DLGAP1: variants seen among roughly 807,000 people sequenced by gnomAD.
DLGAP1 encodes the protein disks large-associated protein 1.
DLGAP1 carries 11 observed loss-of-function variants against 90.8 expected under a neutral mutation model. The ratio of observed to expected loss-of-function variants is 0.12; its 90% CI spans 0.08 to 0.20. The LOEUF (loss-of-function observed/expected upper bound fraction) is 0.20, where lower values mean the gene tolerates loss of function less well. Among genes scored for constraint, DLGAP1 ranks in the 10% least tolerant of loss-of-function variants. DLGAP1 has a pLI of 1.00. For missense variants in DLGAP1, 1,050 were observed against 1,333.8 expected (o/e 0.79, Z 3.31); for synonymous variants, 558 against 540.7 (o/e 1.03, Z -0.44).
rs182514610 is a variant in DLGAP1, at chr18:4,339,435, A to G, written c.-267+115571T>C. ...CAAACCACCATGCACATGTTTTCCT[A>G]TGCAACAAACCTGCACATCCTGCAC... On this transcript the variant is annotated intron_variant, in intron 1 of 12. Coordinates refer to ENST00000315677, the MANE Select transcript of DLGAP1 (RefSeq NM_004746.4). 4.2e-4 allele frequency among the ~76,000 whole-genome samples: 64 copies of G among 152,310 alleles called. 1 individual carries two copies. The highest frequency in any genetic ancestry group is 1.4e-3 in the African/African-American group (60 of 41,564).
chr18:3,721,324 C>T (rs930408292), intron 7 of DLGAP1, among the ~76,000 whole-genome samples: 19 of 152,182 alleles, frequency 1.2e-4, no homozygotes, highest in Admixed American at 6.6e-4. Context: ...GCTTAATTTA[C>T]GCATGAGTTG....
chr18:3,612,306 A>G (rs2057673171), intron 7 of DLGAP1, among the ~76,000 whole-genome samples: 1 of 152,250 alleles, frequency 6.6e-6, no homozygotes, highest in African/African-American at 2.4e-5. Context: ...AATGAGGATA[A>G]GAATGAAAAA....
intron 1 of DLGAP1, among the ~76,000 whole-genome samples, chr18:4,168,116 C>T (rs933624339): frequency 6.6e-5 from 10 of 152,120 alleles, no homozygotes; most frequent in African/African-American, 1.9e-4. Context: ...AATAAACAGG[C>T]GCTGGAATAG....
intron 7 of DLGAP1, among the ~76,000 whole-genome samples, chr18:3,688,659 ACACACAC>A (rs1567965734): frequency 0.13 from 12,213 of 94,740 alleles, 823 homozygotes; most frequent in African/African-American, 0.24. Flanking sequence ...ACACACACAC[ACACACAC>A]ACCCTACCAA....
intron 4 of DLGAP1, among the ~76,000 whole-genome samples, chr18:3,823,718 G>A (rs2067548297): frequency 6.6e-6 from 1 of 152,060 alleles, no homozygotes; most frequent in African/African-American, 2.4e-5. Flanking sequence ...GGGAGGCCGA[G>A]GCGGGCAGAT....
chr18:4,113,562 G>C (rs958209591), intron 2 of DLGAP1, among the ~76,000 whole-genome samples: 10 of 152,030 alleles, frequency 6.6e-5, no homozygotes, highest in Admixed American at 2.0e-4. Flanking sequence ...CTCCCATTCT[G>C]TAGGTTATCT....
chr18:3,784,257 T>C (rs978451637), intron 5 of DLGAP1, among the ~76,000 whole-genome samples: 1 of 152,164 alleles, frequency 6.6e-6, no homozygotes, highest in African/African-American at 2.4e-5. Flanking sequence ...AGTTGGCCTG[T>C]TTAGGCGCAC....
intron 9 of DLGAP1, among the ~76,000 whole-genome samples, chr18:3,564,248 C>T (rs182737022): frequency 6.6e-6 from 1 of 152,322 alleles, no homozygotes; most frequent in East Asian, 1.9e-4. Context: ...TGATTAGTCT[C>T]AGCCTTTTGG....
At chr18:4,116,360 C>T (rs908996433) in intron 2 of DLGAP1, among the ~76,000 whole-genome samples, 1 of 152,116 alleles carries the variant, frequency 6.6e-6, no homozygotes, top group Non-Finnish European at 1.5e-5. Flanking sequence ...GTTTATTGAG[C>T]TTCTTGACTC....
chr18:3,850,645 T>C (rs555371652), intron 4 of DLGAP1, among the ~76,000 whole-genome samples: 15 of 152,246 alleles, frequency 9.9e-5, no homozygotes, highest in East Asian at 3.9e-4. Context: ...GACAAGACTT[T>C]TGAAGCTTTA....
chr18:4,350,511 G>T (rs2081383944), intron 1 of DLGAP1, among the ~76,000 whole-genome samples: 2 of 151,940 alleles, frequency 1.3e-5, no homozygotes, highest in Admixed American at 1.3e-4. Flanking sequence ...TTCATCTGTA[G>T]TAACTCCAAA....
chr18:4,126,188 A>T (rs1325313235), intron 2 of DLGAP1, among the ~76,000 whole-genome samples: 1 of 152,226 alleles, frequency 6.6e-6, no homozygotes, highest in Non-Finnish European at 1.5e-5. Context: ...GGGGGATCAC[A>T]TTAAAAAATA....
chr18:3,790,943 G>A (rs922402032), intron 5 of DLGAP1, among the ~76,000 whole-genome samples: 3 of 152,150 alleles, frequency 2.0e-5, no homozygotes, highest in Non-Finnish European at 2.9e-5. Context: ...TTGCAGACAG[G>A]CACAGACAAA....
intron 1 of DLGAP1, among the ~76,000 whole-genome samples, chr18:4,368,599 T>C (rs1598297039): frequency 6.6e-6 from 1 of 151,026 alleles, no homozygotes; most frequent in African/African-American, 2.4e-5. Flanking sequence ...CAAATTCATA[T>C]GAACCAATTC....
rs145293335 is a variant in DLGAP1 at position 3,941,033 on chromosome 18, C to T, written c.-72-60893G>A. On this transcript the variant is annotated intron_variant, in intron 3 of 12. Coordinates refer to ENST00000315677, the MANE Select transcript of DLGAP1 (RefSeq NM_004746.4). ...GAGAAGTGAACACCTTAGTCCATCACAGTAAAGAGAGCCACGAATATAAAA... is the reference window on the plus strand; with the variant it reads ...GAGAAGTGAACACCTTAGTCCATCATAGTAAAGAGAGCCACGAATATAAAA... Among the ~76,000 whole-genome samples the T allele has an allele frequency of 1.5e-3, 230 of 152,224 alleles. 1 individual carries two copies. The highest frequency in any genetic ancestry group is 1.5e-3 in the Non-Finnish European group (103 of 68,022).
At chr18:4,080,055 CAG>C (rs1348380251) in intron 2 of DLGAP1, among the ~76,000 whole-genome samples, 1 of 152,126 alleles carries the variant, frequency 6.6e-6, no homozygotes, top group African/African-American at 2.4e-5. Flanking sequence ...GGTTTCATCC[CAG>C]AGTCTGACAT....
At chr18:4,339,793 T>A (rs1421785436) in intron 1 of DLGAP1, among the ~76,000 whole-genome samples, 1 of 152,178 alleles carries the variant, frequency 6.6e-6, no homozygotes, top group African/African-American at 2.4e-5. Flanking sequence ...TTACCCTGAA[T>A]GTACAAGTCC....
intron 1 of DLGAP1, among the ~76,000 whole-genome samples, chr18:4,269,455 G>T (rs1231039161): frequency 1.3e-5 from 2 of 150,980 alleles, no homozygotes; most frequent in African/African-American, 4.9e-5. Flanking sequence ...CCGGGCTCAC[G>T]CCATTCTCCT....
At chr18:3,541,686 C>G (rs143033195) in intron 9 of DLGAP1, among the ~76,000 whole-genome samples, 1 of 152,314 alleles carries the variant, frequency 6.6e-6, no homozygotes, top group East Asian at 1.9e-4. Context: ...CAAATCACTA[C>G]AAGCCCTAAA....
Sources: allele counts gnomAD v4.1 joint callset (sites outside exome capture counted in the v4.1 genomes callset), GRCh38; gene constraint gnomAD v4.1.1; transcripts MANE v1.5; gene names NCBI Gene and HGNC (gene_info 2026-07-23, HGNC 2026-07-21).